The following GPHN variants were observed in gnomAD, a reference collection of about 807,000 sequenced individuals.
GPHN encodes gephyrin.
Under a neutral mutation model 95.5 loss-of-function variants are expected in GPHN, and 17 were observed. The observed-to-expected ratio is 0.18, with a 90% CI of 0.12 to 0.27. The LOEUF (loss-of-function observed/expected upper bound fraction) is 0.27, where lower values mean the gene tolerates loss of function less well. Ranked by LOEUF, GPHN falls within the 10% of genes least tolerant of loss-of-function variation. The pLI, the probability that GPHN is intolerant of heterozygous loss-of-function variation, is 1.00. For missense variants in GPHN, 660 were observed against 978.1 expected, an observed-to-expected ratio of 0.67 and a Z score of 4.34; for synonymous variants, 320 against 322.5, an observed-to-expected ratio of 0.99 and a Z score of 0.08.
the GPHN span, among the ~76,000 whole-genome samples, chr14:67,625,978 G>A: frequency 6.6e-6 from 1 of 152,152 alleles, no homozygotes. Flanking sequence ...CAATGGCCGG[G>A]TGTGGCGGCT....
intron 4 of GPHN, among the ~76,000 whole-genome samples, chr14:66,849,077 G>C (rs2062464505): frequency 6.6e-6 from 1 of 151,804 alleles, no homozygotes; most frequent in Non-Finnish European, 1.5e-5. Flanking sequence ...TTACAGATAA[G>C]AAAATTATAT....
At chr14:66,999,494 G>A (rs2072071702) in intron 9 of GPHN, among the ~76,000 whole-genome samples, 1 of 151,380 alleles carries the variant, frequency 6.6e-6, no homozygotes, top group South Asian at 2.1e-4. Flanking sequence ...CTCTTATTTA[G>A]TCATTTGATA....
the GPHN span, among the ~76,000 whole-genome samples, chr14:67,666,902 T>TA: frequency 2.0e-5 from 3 of 152,078 alleles, no homozygotes; most frequent in Non-Finnish European, 4.4e-5. Context: ...TAACAACTGG[T>TA]AAAATCTGTT....
the GPHN span, among the ~76,000 whole-genome samples, chr14:67,722,145 T>A: frequency 6.6e-6 from 1 of 152,142 alleles, no homozygotes; most frequent in African/African-American, 2.4e-5. Context: ...GGTTAACTGC[T>A]CTTCTGACGT....
At chr14:67,340,132 T>C in the GPHN span, 2 of 268,466 alleles carry the variant, frequency 7.4e-6, no homozygotes, top group Admixed American at 8.9e-5. Context: ...AACTCCTTGT[T>C]CTACTCTTTC....
intron 2 of GPHN, among the ~76,000 whole-genome samples, chr14:66,711,508 C>T (rs758410819): frequency 2.6e-5 from 4 of 151,572 alleles, no homozygotes; most frequent in Non-Finnish European, 4.4e-5. Flanking sequence ...CATGCGTGTC[C>T]AAGTGTCTTT....
intron 2 of GPHN, among the ~76,000 whole-genome samples, chr14:66,771,505 G>A (rs2059170034): frequency 6.6e-6 from 1 of 152,172 alleles, no homozygotes; most frequent in African/African-American, 2.4e-5. Flanking sequence ...CAGTAGAATA[G>A]AATATAGCCA....
chr14:66,786,316 C>T (rs754366497), intron 3 of GPHN, among the ~76,000 whole-genome samples: 6 of 152,118 alleles, frequency 3.9e-5, no homozygotes, highest in South Asian at 2.1e-4. Flanking sequence ...TTGAAAATCA[C>T]GAACTTCTAA....
intron 2 of GPHN, among the ~76,000 whole-genome samples, chr14:66,735,800 T>C (rs1487388074): frequency 6.6e-6 from 1 of 152,138 alleles, no homozygotes; most frequent in African/African-American, 2.4e-5. Flanking sequence ...AATTTATGTT[T>C]ATGATAAGTG....
At chr14:66,762,540 C>G (rs2058796384) in intron 2 of GPHN, among the ~76,000 whole-genome samples, 1 of 135,334 alleles carries the variant, frequency 7.4e-6, no homozygotes, top group South Asian at 2.5e-4. Context: ...TATGGATTTG[C>G]AGAGAAGTGT....
chr14:67,514,437 G>A, the GPHN span, among the ~76,000 whole-genome samples: 1 of 152,186 alleles, frequency 6.6e-6, no homozygotes, highest in Admixed American at 6.5e-5. Context: ...GGGAGGGCAG[G>A]TGAAGAGCTG....
At chr14:67,410,739 C>T in the GPHN span, among the ~76,000 whole-genome samples, 15 of 152,348 alleles carry the variant, frequency 9.8e-5, no homozygotes, top group South Asian at 3.1e-3. Flanking sequence ...CATCCCTCTT[C>T]ATTCCCCTCC....
chr14:66,525,551 A>C (rs942152703), intron 1 of GPHN, among the ~76,000 whole-genome samples: 1 of 152,038 alleles, frequency 6.6e-6, no homozygotes, highest in South Asian at 2.1e-4. Flanking sequence ...GGTGTTTTAG[A>C]CATGAAGTCT....
chr14:67,384,729 G>A, the GPHN span: 1 of 152,196 alleles, frequency 6.6e-6, no homozygotes, highest in African/African-American at 2.4e-5. Context: ...AAATTTAGCA[G>A]CCTGTACTAG....
chr14:66,574,496 A>G (rs2060825874), intron 1 of GPHN, among the ~76,000 whole-genome samples: 1 of 152,216 alleles, frequency 6.6e-6, no homozygotes, highest in African/African-American at 2.4e-5. Flanking sequence ...AGTGAGTTTT[A>G]TATTTTCATA....
At chr14:66,782,355 T>G (rs1225521014) in intron 3 of GPHN, among the ~76,000 whole-genome samples, 1 of 152,234 alleles carries the variant, frequency 6.6e-6, no homozygotes, top group African/African-American at 2.4e-5. Context: ...TTGTTTTTCT[T>G]TTTTATTTTA....
At chr14:67,725,034 A>C in the GPHN span, 14 of 1,573,538 alleles carry the variant, frequency 8.9e-6, no homozygotes, top group African/African-American at 1.4e-5. Flanking sequence ...TCCCAAGCTC[A>C]CTTACTATAC....
the GPHN span, chr14:67,221,724 T>G: frequency 6.2e-7 from 1 of 1,601,296 alleles, no homozygotes; most frequent in Admixed American, 1.7e-5. Flanking sequence ...AGATCTTTTC[T>G]AAATATTTGT....
chr14:67,057,263 A>G (rs1194930885), intron 10 of GPHN, among the ~76,000 whole-genome samples: 2 of 152,234 alleles, frequency 1.3e-5, no homozygotes, highest in Non-Finnish European at 2.9e-5. Flanking sequence ...TGCAGCCGTA[A>G]AAAGGAATGA....
Sources: gnomAD v4.1 joint callset for allele counts (sites outside exome capture counted in the v4.1 genomes callset) on GRCh38, gnomAD v4.1.1 for gene constraint, MANE v1.5 for transcripts, NCBI Gene and HGNC (gene_info 2026-07-23, HGNC 2026-07-21) for gene names.